APBB2: variants seen among roughly 807,000 people sequenced by gnomAD.
APBB2 encodes Fe65-like 1.
In APBB2, 38 loss-of-function variants were observed where a neutral mutation model predicts 82.5. The ratio of observed to expected loss-of-function variants is 0.46; its 90% CI spans 0.36 to 0.60. The LOEUF is 0.60. Among genes scored for constraint, APBB2 ranks in the 20% least tolerant of loss-of-function variants. The pLI is 0.00. For synonymous variants in APBB2, 341 were observed against 368.2 expected, an observed-to-expected ratio of 0.93 and a Z score of 0.85; for missense variants, 772 against 972.3, an observed-to-expected ratio of 0.79 and a Z score of 2.74.
At chr4:41,119,662 G>C (rs75721710) in intron 2 of APBB2, among the ~76,000 whole-genome samples, 3 of 151,286 alleles carry the variant, frequency 2.0e-5, no homozygotes, top group African/African-American at 7.3e-5. Flanking sequence ...TACTATATCC[G>C]ATTCCTGCCT....
chr4:40,880,060 C>T lies in APBB2; in HGVS notation c.1529+10304G>A, dbSNP rs1004956809. The T allele has an allele frequency of 3.0e-6, 3 of 985,268 alleles. No homozygotes were observed. In the East Asian group the frequency reaches 3.4e-4, roughly 112 times the overall value. The allele number at this position is 985,268 out of a possible 1,614,324, so 61.0% of individuals were successfully genotyped here. ...AAGAGTGTCACTGGGAGCGATGGCA[C>T]TTATGACCCTTGCATGAAAGGACCT... is the stretch of plus-strand genomic sequence containing the variant. On this transcript the variant is annotated intron_variant, in intron 12 of 17. Coordinates refer to ENST00000508593, the MANE Select transcript of APBB2 (RefSeq NM_004307.2).
intron 1 of APBB2, among the ~76,000 whole-genome samples, chr4:41,199,194 T>C (rs746567464): frequency 3.9e-5 from 4 of 103,292 alleles, no homozygotes; most frequent in Admixed American, 9.5e-5. Context: ...ATGCCCTCAA[T>C]AGAACTGACT....
chr4:40,893,233 G>A, intron 11 of APBB2, 32 bp downstream of exon 11: 1 of 1,604,854 alleles, frequency 6.2e-7, no homozygotes, highest in Non-Finnish European at 8.5e-7. Context: ...AACGTAAACA[G>A]CCTGCCGTGC....
intron 6 of APBB2, among the ~76,000 whole-genome samples, chr4:41,012,818 T>A (rs1808767542): frequency 6.6e-6 from 1 of 152,188 alleles, no homozygotes; most frequent in Admixed American, 6.5e-5. Context: ...TTCTCCACAT[T>A]TTTCAATCTT....
rs779380728 is a variant in APBB2, at chr4:40,844,073, C to G, written c.1530-13496G>C. Among the ~76,000 whole-genome samples, 36 of 152,336 alleles carry G rather than the reference C, an allele frequency of 2.4e-4. No homozygotes were observed. The Middle Eastern group carries it at 0.01, about 43-fold the overall frequency. On this transcript the variant is annotated intron_variant, in intron 12 of 17. Coordinates refer to ENST00000508593, the MANE Select transcript of APBB2 (RefSeq NM_004307.2). ...GGTTTTAGAGGAACAGGGAACATTC[C>G]TCTCTTTTGGTGAACTTTTGTAGGG...
rs78169948 is a variant in APBB2, at chr4:41,004,276, A to G, written c.835+9307T>C. 6.6e-3 allele frequency among the ~76,000 whole-genome samples: 1,008 copies of G among 152,310 alleles called. 16 individuals carry two copies. Among genetic ancestry groups the G allele is most frequent in the African/African-American group, 0.022 (896 of 41,564 alleles). On this transcript the variant is annotated intron_variant, in intron 6 of 17. Coordinates refer to ENST00000508593, the MANE Select transcript of APBB2 (RefSeq NM_004307.2). ...GTGATAATTTGTTACACCAGCCGTA[A>G]GAAACCAACAAAACATCTTAACATC...
intron 2 of APBB2, chr4:41,137,976 A>T (rs1174334764): frequency 6.6e-6 from 1 of 152,072 alleles, no homozygotes; most frequent in African/African-American, 2.4e-5. Context: ...AGACCATCCT[A>T]GCTAACACGG....
chr4:41,071,311 TATTCTATA>T (rs1312782089), intron 3 of APBB2, among the ~76,000 whole-genome samples: 1 of 152,256 alleles, frequency 6.6e-6, no homozygotes, highest in African/African-American at 2.4e-5. Flanking sequence ...CAAAATAATA[TATTCTATA>T]ATTCAATAAT....
chr4:41,134,475 C>A (rs1757023415), intron 2 of APBB2, among the ~76,000 whole-genome samples: 1 of 152,022 alleles, frequency 6.6e-6, no homozygotes, highest in African/African-American at 2.4e-5. Context: ...TCCCAGCCCC[C>A]AGCCCCCCAC....
intron 1 of APBB2, among the ~76,000 whole-genome samples, chr4:41,157,671 C>T (rs988173497): frequency 6.6e-6 from 1 of 152,170 alleles, no homozygotes; most frequent in African/African-American, 2.4e-5. Flanking sequence ...GCCAGTTCTT[C>T]GCAAATTTCC....
intron 5 of APBB2, among the ~76,000 whole-genome samples, chr4:41,021,120 G>A (rs62412128): frequency 0.046 from 6,985 of 152,158 alleles, 345 homozygotes; most frequent in African/African-American, 0.12. Context: ...GATTGAGGCC[G>A]TCAAGCTACA....
intron 2 of APBB2, among the ~76,000 whole-genome samples, chr4:41,102,791 G>T (rs914272652): frequency 6.6e-6 from 1 of 152,152 alleles, no homozygotes; most frequent in Non-Finnish European, 1.5e-5. Flanking sequence ...GGACTTTTTC[G>T]AGTTGAAGTA....
intron 6 of APBB2, among the ~76,000 whole-genome samples, chr4:40,982,380 AAGGAAGG>A (rs1373764537): frequency 0.054 from 799 of 14,780 alleles, 88 homozygotes; most frequent in African/African-American, 0.08. Context: ...GGAAGGAAGG[AAGGAAGG>A]AAGGAAAGGA....
At chr4:41,105,218 ATT>A (rs1424585793) in intron 2 of APBB2, among the ~76,000 whole-genome samples, 1 of 152,200 alleles carries the variant, frequency 6.6e-6, no homozygotes, top group Non-Finnish European at 1.5e-5. Flanking sequence ...TGTATAGTCT[ATT>A]TTTGTTTTGT....
intron 6 of APBB2, among the ~76,000 whole-genome samples, chr4:41,008,607 T>C (rs1807452815): frequency 1.3e-5 from 2 of 152,240 alleles, no homozygotes; most frequent in South Asian, 4.1e-4. Flanking sequence ...CAAACTTTTA[T>C]AACACACCAC....
At chr4:40,967,594 C>A (rs542128196) in intron 6 of APBB2, among the ~76,000 whole-genome samples, 1 of 152,178 alleles carries the variant, frequency 6.6e-6, no homozygotes, top group African/African-American at 2.4e-5. Flanking sequence ...GAGCTGCCTG[C>A]CCCACCACAG....
intron 12 of APBB2, among the ~76,000 whole-genome samples, chr4:40,847,977 T>C (rs1041885585): frequency 1.3e-5 from 2 of 152,108 alleles, no homozygotes; most frequent in African/African-American, 4.8e-5. Context: ...CGGCTAATTT[T>C]TTATTTGTTG....
chr4:40,997,629 C>CAA (rs1803994865), intron 6 of APBB2, among the ~76,000 whole-genome samples: 1 of 152,176 alleles, frequency 6.6e-6, no homozygotes, highest in Non-Finnish European at 1.5e-5. Context: ...CGAGGAGTCT[C>CAA]AGAGATTGAA....
chr4:40,925,642 A>G lies in APBB2; in HGVS notation c.1254+8814T>C, dbSNP rs557841060. ...TCTGAAAGAAACCTGTACCACGTGA[A>G]TAAAAATCAATTATAAGAACTACAT... On this transcript the variant is annotated intron_variant, in intron 10 of 17. Coordinates refer to ENST00000508593, the MANE Select transcript of APBB2 (RefSeq NM_004307.2). Among the ~76,000 whole-genome samples, 154 of 152,264 alleles carry G rather than the reference A, an allele frequency of 1.0e-3. 12 individuals are homozygous for G. The highest frequency in any genetic ancestry group is 1.6e-4 in the Non-Finnish European group (11 of 68,036).
Sources: allele counts gnomAD v4.1 joint callset (sites outside exome capture counted in the v4.1 genomes callset), GRCh38; gene constraint gnomAD v4.1.1; transcripts MANE v1.5; gene names NCBI Gene and HGNC (gene_info 2026-07-23, HGNC 2026-07-21).